Variants in UTRN observed in about 807,000 individuals in gnomAD.
The protein encoded by UTRN is dystrophin-related protein 1.
A neutral mutation model predicts 463.9 loss-of-function variants in UTRN; 283 were observed. The observed-to-expected ratio is 0.61, with a 90% CI of 0.55 to 0.67. UTRN has a LOEUF of 0.67. Ranked by LOEUF, UTRN falls within the 30% of genes least tolerant of loss-of-function variation. The pLI is 0.00. For missense variants in UTRN, 3,922 were observed against 4,084.3 expected, an observed-to-expected ratio of 0.96 and a Z score of 1.08; for synonymous variants, 1,442 against 1,431.5, an observed-to-expected ratio of 1.01 and a Z score of -0.17.
intron 56 of UTRN, among the ~76,000 whole-genome samples, chr6:144,752,520 A>G (rs1165738256): frequency 6.6e-6 from 1 of 152,156 alleles, no homozygotes; most frequent in Non-Finnish European, 1.5e-5. Flanking sequence ...GATATATTTT[A>G]TCTATAATAG....
chr6:144,558,607 T>G (rs1420521464), intron 50 of UTRN, among the ~76,000 whole-genome samples: 1 of 152,000 alleles, frequency 6.6e-6, no homozygotes, highest in African/African-American at 2.4e-5. Flanking sequence ...GTTGTGCACA[T>G]GTACCCTAAA....
intron 53 of UTRN, among the ~76,000 whole-genome samples, chr6:144,720,326 C>G (rs1786989057): frequency 6.6e-6 from 1 of 152,188 alleles, no homozygotes; most frequent in Non-Finnish European, 1.5e-5. Flanking sequence ...TGTTCCAAGA[C>G]CATTAAAGGA....
intron 50 of UTRN, among the ~76,000 whole-genome samples, chr6:144,561,375 C>T (rs551977889): frequency 9.3e-5 from 14 of 149,924 alleles, no homozygotes; most frequent in South Asian, 6.3e-4. Context: ...TGTGTATAGA[C>T]GTGTTTGCAC....
chr6:144,517,442 C>G (rs1177387339), intron 39 of UTRN, among the ~76,000 whole-genome samples: 1 of 151,868 alleles, frequency 6.6e-6, no homozygotes, highest in East Asian at 1.9e-4. Flanking sequence ...AAGTGATCCT[C>G]CTATGTCAGT....
At chr6:144,840,613 C>A in intron 72 of UTRN, 127 bp from the exon 73 acceptor site, 1 of 1,041,320 alleles carries the variant, frequency 9.6e-7, no homozygotes, top group Non-Finnish European at 1.4e-6. Context: ...TTGTCCTTTG[C>A]AATGGGAAAT....
intron 3 of UTRN, among the ~76,000 whole-genome samples, chr6:144,409,760 G>A (rs1185548315): frequency 1.3e-5 from 2 of 152,160 alleles, no homozygotes; most frequent in African/African-American, 4.8e-5. Context: ...GTCACACTTA[G>A]GGGGAAGCTG....
chr6:144,708,094 T>G (rs796591083), intron 53 of UTRN: 1 of 254,778 alleles, frequency 3.9e-6, no homozygotes, highest in Non-Finnish European at 7.8e-6. Context: ...GCTGCATATA[T>G]GGGTCTTCAC....
intron 37 of UTRN, among the ~76,000 whole-genome samples, chr6:144,515,647 C>T (rs187458629): frequency 9.2e-5 from 14 of 152,296 alleles, no homozygotes; most frequent in Admixed American, 4.6e-4. Flanking sequence ...AGTTTTCCCA[C>T]ACTTAGCCAA....
chr6:144,705,655 G>C (rs1206837271), intron 53 of UTRN, among the ~76,000 whole-genome samples: 1 of 152,138 alleles, frequency 6.6e-6, no homozygotes, highest in African/African-American at 2.4e-5. Context: ...ATTTCAACCT[G>C]TAAATTTTGG....
intron 25 of UTRN, among the ~76,000 whole-genome samples, chr6:144,476,804 C>G (rs1791254996): frequency 6.6e-6 from 1 of 152,050 alleles, no homozygotes; most frequent in East Asian, 1.9e-4. Context: ...GGAAAAAAGT[C>G]ATAGTGGATA....
intron 57 of UTRN, 46 bp from the exon 58 acceptor site, chr6:144,757,883 C>T: frequency 6.4e-7 from 1 of 1,573,804 alleles, no homozygotes; most frequent in Admixed American, 1.8e-5. Context: ...AGGTGTAAGG[C>T]TTTTTGGTTT....
chr6:144,661,334 G>A (rs1313953357), intron 51 of UTRN, among the ~76,000 whole-genome samples: 1 of 152,144 alleles, frequency 6.6e-6, no homozygotes, highest in Non-Finnish European at 1.5e-5. Context: ...TTTGATGATA[G>A]GAACGTTATG....
At chr6:144,502,720 C>T (rs1259977559) in intron 34 of UTRN, among the ~76,000 whole-genome samples, 5 of 152,054 alleles carry the variant, frequency 3.3e-5, no homozygotes, top group African/African-American at 9.7e-5. Context: ...AATAAATATA[C>T]GTGGGCATGT....
At chr6:144,479,572 A>G (rs1791635340) in intron 25 of UTRN, among the ~76,000 whole-genome samples, 1 of 152,230 alleles carries the variant, frequency 6.6e-6, no homozygotes, top group Non-Finnish European at 1.5e-5. Flanking sequence ...CAAAATTATA[A>G]TAGCTATTTC....
chr6:144,596,107 A>G (rs1259536734), intron 51 of UTRN, among the ~76,000 whole-genome samples: 1 of 152,230 alleles, frequency 6.6e-6, no homozygotes, highest in Non-Finnish European at 1.5e-5. Context: ...AAATTATGTC[A>G]TATAAACCAA....
intron 51 of UTRN, among the ~76,000 whole-genome samples, chr6:144,668,756 C>G (rs1444863717): frequency 6.6e-6 from 1 of 152,014 alleles, no homozygotes; most frequent in East Asian, 1.9e-4. Context: ...TCCCAAAGGC[C>G]CCACCTCCTA....
intron 50 of UTRN, among the ~76,000 whole-genome samples, chr6:144,559,069 G>A (rs1416815174): frequency 2.7e-5 from 4 of 150,794 alleles, no homozygotes; most frequent in African/African-American, 9.7e-5. Flanking sequence ...CGTTAGGAAT[G>A]TGTGGCCTGC....
intron 51 of UTRN, among the ~76,000 whole-genome samples, chr6:144,671,252 T>C (rs1450806834): frequency 6.6e-6 from 1 of 152,062 alleles, no homozygotes; most frequent in African/African-American, 2.4e-5. Context: ...TCACAATATT[T>C]ATTCTACTCA....
At chr6:144,378,287 A>G (rs1361135433) in intron 2 of UTRN, among the ~76,000 whole-genome samples, 1 of 152,256 alleles carries the variant, frequency 6.6e-6, no homozygotes, top group East Asian at 1.9e-4. Context: ...TAGACTTAAT[A>G]AACACTTTCA....
Sources: gnomAD v4.1 joint callset for allele counts (sites outside exome capture counted in the v4.1 genomes callset) on GRCh38, gnomAD v4.1.1 for gene constraint, MANE v1.5 for transcripts, NCBI Gene and HGNC (gene_info 2026-07-23, HGNC 2026-07-21) for gene names.